The following CDC14B variants were observed in gnomAD, a reference collection of about 807,000 sequenced individuals.
The protein encoded by CDC14B is dual specificity protein phosphatase CDC14B.
CDC14B carries 22 observed loss-of-function variants against 64.2 expected under a neutral mutation model. The observed-to-expected ratio is 0.34, with a 90% confidence interval of 0.24 to 0.49. CDC14B has a LOEUF of 0.49. Among genes scored for constraint, CDC14B ranks in the 20% least tolerant of loss-of-function variants. The pLI is 0.99. For synonymous variants in CDC14B, 191 were observed against 215.8 expected, an observed-to-expected ratio of 0.89 and a Z score of 1.01; for missense variants, 498 against 629.9, an observed-to-expected ratio of 0.79 and a Z score of 2.24.
At chr9:96,605,417 C>A (rs985192039) in intron 1 of CDC14B, among the ~76,000 whole-genome samples, 1 of 152,154 alleles carries the variant, frequency 6.6e-6, no homozygotes. Context: ...ATATCCCACG[C>A]CCTCAACCCT....
chr9:96,508,380 T>TTTA, intron 13 of CDC14B, among the ~76,000 whole-genome samples: 1 of 152,334 alleles, frequency 6.6e-6, no homozygotes, highest in South Asian at 2.1e-4. Context: ...ACTAAATGTA[T>TTTA]GACTCCCAAT....
At chr9:96,592,798 TGCTA>T (rs1191396554) in intron 1 of CDC14B, among the ~76,000 whole-genome samples, 69 of 152,160 alleles carry the variant, frequency 4.5e-4, no homozygotes, top group African/African-American at 1.6e-3. Context: ...AAAAACAGGT[TGCTA>T]AACAAGGACA....
chr9:96,515,933 G>A lies in CDC14B; in HGVS notation c.1344-6144C>T. The A allele has an allele frequency of 1.6e-6, 1 of 640,048 alleles. No homozygotes were observed. The highest frequency in any genetic ancestry group is 3.0e-5 in the South Asian group (1 of 33,502). The allele number at this position is 640,048 out of a possible 1,614,324, so 39.6% of individuals were successfully genotyped here. A position where few individuals can be genotyped will look rare whatever the true frequency, so the allele number is the denominator to read the frequency against. ...AACAGCAACAGGGATACAAAGGGGT[G>A]GTCAACAAGGATGGAGTTTTGCCAT... On this transcript the variant is annotated intron_variant, in intron 12 of 13. Transcript: ENST00000375241. This position sits in a 1 kb window ranked among gnomAD's most constrained non-coding sequence, Gnocchi z 4.3.
chr9:96,547,038 G>A (rs1587911772), intron 5 of CDC14B, among the ~76,000 whole-genome samples: 1 of 151,988 alleles, frequency 6.6e-6, no homozygotes, highest in African/African-American at 2.4e-5. Flanking sequence ...CTCCAGCCTG[G>A]GCGACAGAGC....
At chr9:96,496,458 G>A (rs1833244832), downstream of CDC14B, 8 of 425,904 alleles carry the variant, frequency 1.9e-5, no homozygotes, top group Middle Eastern at 3.4e-4. Flanking sequence ...GCAAGGACTA[G>A]CTTCCTGGGC....
chr9:96,529,143 CAT>C (rs955564979), intron 9 of CDC14B, among the ~76,000 whole-genome samples: 1 of 152,158 alleles, frequency 6.6e-6, no homozygotes, highest in Non-Finnish European at 1.5e-5. Flanking sequence ...CCTTTGGTGT[CAT>C]ATTACTGCCA....
At chr9:96,545,299 G>GTCTTCTCT (rs1441716715) in intron 5 of CDC14B, among the ~76,000 whole-genome samples, 3 of 150,342 alleles carry the variant, frequency 2.0e-5, no homozygotes, top group Non-Finnish European at 4.4e-5. Flanking sequence ...TTTTAACCAT[G>GTCTTCTCT]TCTTCTCTGT....
At position 96,560,582 on chromosome 9, in the gene CDC14B, C is replaced by CTTT. The variant is rs373160930; in HGVS notation, c.420+2110_420+2111insAAA. Reference sequence around the variant, plus strand: ...GGTTCATACATAGACTTTTCTCTTTCTCTTTTTTTTTTTTTTTTTGAGACG... The same window carrying CTTT: ...GGTTCATACATAGACTTTTCTCTTTCTTTTCTTTTTTTTTTTTTTTTTGAGACG... On this transcript the variant is annotated intron_variant, in intron 4 of 13. Coordinates refer to ENST00000375241, the MANE Select transcript of CDC14B (RefSeq NM_033331.4). Among the ~76,000 whole-genome samples, 39 of 127,664 alleles carry CTTT rather than the reference C, an allele frequency of 3.1e-4. 9 individuals are homozygous for CTTT. In the South Asian group the frequency reaches 3.2e-3, roughly 10 times the overall value. The allele number at this position is 127,664 out of a possible 152,430, so 83.8% of individuals were successfully genotyped here.
At chr9:96,499,553 A>T (rs1833392254), downstream of CDC14B, among the ~76,000 whole-genome samples, 1 of 152,212 alleles carries the variant, frequency 6.6e-6, no homozygotes, top group Admixed American at 6.5e-5. Context: ...GCAGAAAGTC[A>T]AAACTTTGTG....
At chr9:96,539,856 G>A (rs930855907) in intron 6 of CDC14B, among the ~76,000 whole-genome samples, 2 of 152,214 alleles carry the variant, frequency 1.3e-5, no homozygotes, top group African/African-American at 4.8e-5. Flanking sequence ...AGCAGCCTCT[G>A]AGAAATATCC....
At chr9:96,562,335 C>A (rs1843324525) in intron 4 of CDC14B, among the ~76,000 whole-genome samples, 1 of 152,176 alleles carries the variant, frequency 6.6e-6, no homozygotes, top group Non-Finnish European at 1.5e-5. Flanking sequence ...TTTTACAACT[C>A]ACTAAATGGA....
chr9:96,535,241 A>C (rs1156283314), intron 7 of CDC14B, among the ~76,000 whole-genome samples: 2 of 152,188 alleles, frequency 1.3e-5, no homozygotes, highest in African/African-American at 4.8e-5. Flanking sequence ...CAGGAGGCGG[A>C]AGTTGTAGTG....
chr9:96,512,317 ATTT>A (rs1179476329), intron 12 of CDC14B, among the ~76,000 whole-genome samples: 4 of 149,198 alleles, frequency 2.7e-5, no homozygotes, highest in Admixed American at 6.7e-5. Flanking sequence ...TGTTTTTAAA[ATTT>A]TTTTTCTTTT....
chr9:96,511,012 T>C (rs958991768), intron 12 of CDC14B, among the ~76,000 whole-genome samples: 1 of 152,162 alleles, frequency 6.6e-6, no homozygotes. Flanking sequence ...AAATACTGAC[T>C]TAACAAGCTT....
intron 1 of CDC14B, among the ~76,000 whole-genome samples, chr9:96,589,960 C>CAA (rs112169156): frequency 2.0e-5 from 2 of 98,436 alleles, no homozygotes; most frequent in Admixed American, 1.1e-4. Context: ...GACTCCATCT[C>CAA]AAAAAAAAAA....
intron 1 of CDC14B, among the ~76,000 whole-genome samples, chr9:96,569,896 G>C (rs1844371570): frequency 6.6e-6 from 1 of 152,170 alleles, no homozygotes; most frequent in African/African-American, 2.4e-5. Flanking sequence ...CCGAAACAGG[G>C]CTCTTTACAA....
intron 4 of CDC14B, among the ~76,000 whole-genome samples, chr9:96,559,815 A>T (rs897727761): frequency 6.6e-6 from 1 of 152,176 alleles, no homozygotes; most frequent in Non-Finnish European, 1.5e-5. Flanking sequence ...CAATCAAATC[A>T]GTACTAACCT....
At position 96,614,120 on chromosome 9, in the gene CDC14B, C is replaced by T. The variant is rs186310065; in HGVS notation, c.160+5099G>A. Among the ~76,000 whole-genome samples the T allele has an allele frequency of 8.5e-5, 13 of 152,212 alleles. No individual in the cohort carries two copies. In the East Asian group the frequency reaches 2.5e-3, roughly 29 times the overall value. ...TACAGACAGTCTTTAAAAGTTAGATCATGGCAGACACTCGAAAACTTGTTT... is the reference window on the plus strand; with the variant it reads ...TACAGACAGTCTTTAAAAGTTAGATTATGGCAGACACTCGAAAACTTGTTT... On this transcript the variant is annotated intron_variant, in intron 1 of 13. Coordinates refer to ENST00000375241, the MANE Select transcript of CDC14B (RefSeq NM_033331.4).
At chr9:96,595,580 A>G (rs1452017449) in intron 1 of CDC14B, among the ~76,000 whole-genome samples, 3 of 152,252 alleles carry the variant, frequency 2.0e-5, no homozygotes, top group African/African-American at 7.2e-5. Context: ...AATGTGCATC[A>G]ACTGGTAAAC....
Sources: allele counts gnomAD v4.1 joint callset (sites outside exome capture counted in the v4.1 genomes callset), GRCh38; gene constraint gnomAD v4.1.1; non-coding constraint Gnocchi (gnomAD v3.1); transcripts MANE v1.5; gene names NCBI Gene and HGNC (gene_info 2026-07-23, HGNC 2026-07-21).